Variants in TBC1D26 observed in about 807,000 individuals in gnomAD.
The protein encoded by TBC1D26 is TBC1 domain family member 26, also known as TBC1 domain family, member 26.
Under a neutral mutation model 42.5 loss-of-function variants are expected in TBC1D26, and 19 were observed. That is an observed-to-expected ratio of 0.45 (90% confidence interval 0.31 to 0.66). The LOEUF (loss-of-function observed/expected upper bound fraction) is 0.66. Ranked by LOEUF, TBC1D26 falls within the 30% of genes least tolerant of loss-of-function variation. The pLI is 0.06. For synonymous variants in TBC1D26, 97 were observed against 123.5 expected (o/e 0.79, Z 1.42); for missense variants, 228 against 332.6 (o/e 0.69, Z 2.45).
rs772725301 is a variant in TBC1D26, at chr17:15,741,220, T to C, written c.645T>C (p.Ala215=). 1.2e-6 allele frequency: 2 copies of C among 1,613,664 alleles called. No individual in the cohort carries two copies. The highest frequency in any genetic ancestry group is 2.2e-5 in the South Asian group (2 of 91,078). Residue 215 remains alanine (A), a splice_region_variant and synonymous_variant, in exon 10 of 15, where the codon GCT becomes GCC. Coordinates refer to ENST00000437605, the MANE Select transcript of TBC1D26 (RefSeq NM_001388465.1). ...DAFWALTQLL[A]VFYSPNTAWL... ...TCTGGGCGCTTACCCAGTTGCTCGC[T>C]GGTGAGAGGCACTCCCTGTGGGTAG... is the stretch of plus-strand genomic sequence containing the variant.
rs1203098129 is a variant in TBC1D26, at chr17:15,743,354, G to A, written c.908-13G>A. ...AGGGAACCCTCCTGGCCTGATGCCCGCCCTCTCCCTAGAGCACCTCATGAA... is the reference window on the plus strand; with the variant it reads ...AGGGAACCCTCCTGGCCTGATGCCCACCCTCTCCCTAGAGCACCTCATGAA... On this transcript the variant is annotated splice_polypyrimidine_tract_variant and intron_variant, in intron 13 of 14. Transcript: ENST00000437605. 36 of 985,834 alleles carry A rather than the reference G, an allele frequency of 3.7e-5. No individual in the cohort carries two copies. The highest frequency in any genetic ancestry group is 3.4e-4 in the East Asian group (3 of 8,800). 61.1% of individuals were successfully genotyped at this position (985,834 alleles called of 1,614,324 possible).
At chr17:15,741,099 C>T in intron 9 of TBC1D26, 23 bp from the exon 10 acceptor site, 1 of 1,605,964 alleles carries the variant, frequency 6.2e-7, no homozygotes, top group Non-Finnish European at 8.5e-7. Context: ...GACATCTTTC[C>T]ACGGTGACTC....
At chr17:15,742,297 G>A (rs1967810137) in intron 11 of TBC1D26, 117 bp from the exon 12 acceptor site, 2 of 514,842 alleles carry the variant, frequency 3.9e-6, no homozygotes, top group Admixed American at 3.3e-5. Context: ...GGCAGGTGTT[G>A]GAGCCCTGGC....
intron 5 of TBC1D26, 78 bp downstream of exon 5, chr17:15,737,601 C>T (rs371020702): frequency 1.8e-5 from 28 of 1,558,012 alleles, no homozygotes; most frequent in Non-Finnish European, 2.4e-5. Flanking sequence ...GAGGGGGTGG[C>T]CTGTGGGCCT....
At position 15,740,244 on chromosome 17, in the gene TBC1D26, T is replaced by C. The variant is rs2529969; in HGVS notation, c.546+96T>C. The C allele has an allele frequency of 9.5e-4, 1,534 of 1,613,304 alleles. 4 individuals carry two copies. Among genetic ancestry groups the C allele is most frequent in the East Asian group, 3.4e-3 (152 of 44,844 alleles). On this transcript the variant is annotated intron_variant, in intron 9 of 14. Transcript: ENST00000437605. The stretch of plus-strand genomic sequence containing the variant: ...GTGTTGCAACTTCTTGAAAATTCAG[T>C]GTTTGTCCACCAGGACGTAGTAGGC...
chr17:15,737,721 C>T, intron 5 of TBC1D26, 198 bp downstream of exon 5: 2 of 917,944 alleles, frequency 2.2e-6, no homozygotes, highest in South Asian at 1.7e-5. Flanking sequence ...GCAGTCCTGG[C>T]TCAGAGTCCA....
intron 8 of TBC1D26, 98 bp downstream of exon 8, chr17:15,738,928 G>A: frequency 3.2e-6 from 5 of 1,539,668 alleles, no homozygotes; most frequent in Non-Finnish European, 4.4e-6. Flanking sequence ...CCCAGGAGAG[G>A]TGACAGAGCC....
At chr17:15,734,306 G>A (rs1008376029) in intron 1 of TBC1D26, among the ~76,000 whole-genome samples, 10 of 152,130 alleles carry the variant, frequency 6.6e-5, no homozygotes, top group African/African-American at 2.4e-4. Context: ...GGGTGGGGTG[G>A]AGGGTGAAAT....
chr17:15,741,326 G>A, intron 10 of TBC1D26, 105 bp downstream of exon 10: 5 of 1,580,182 alleles, frequency 3.2e-6, no homozygotes, highest in Non-Finnish European at 4.3e-6. Context: ...TCCAGGCAAG[G>A]TGCCTGCCTT....
chr17:15,741,284 G>A (rs769812233), intron 10 of TBC1D26, 63 bp downstream of exon 10: 1 of 1,608,416 alleles, frequency 6.2e-7, no homozygotes, highest in South Asian at 1.1e-5. Context: ...AGCCATGCCA[G>A]GGGACAGCCA....
chr17:15,740,142 T>A lies in TBC1D26; in HGVS notation c.540T>A (p.Tyr180Ter). 2 of 1,614,206 alleles carry A rather than the reference T, an allele frequency of 1.2e-6. No individual in the cohort carries two copies. Among genetic ancestry groups the A allele is most frequent in the South Asian group, 2.2e-5 (2 of 91,078 alleles). ...ACATCCTCGTGGCCTATTCTGCATA[T>A]AACCCTGTGAGTATTCCCGGGCAGC... ...LCDILVAYSA[Y>*]NPEVGYHRDL... Residue 180 changes from tyrosine (Y) to a stop codon, truncating the protein, a stop_gained, in exon 9 of 15, where the codon TAT (tyrosine) becomes TAA (stop). Coordinates refer to ENST00000437605, the MANE Select transcript of TBC1D26 (RefSeq NM_001388465.1). LOFTEE classifies it high-confidence loss of function.
Position 15,741,230 on chromosome 17 carries a change from C to T in TBC1D26, c.646+9C>T. ...TACCCAGTTGCTCGCTGGTGAGAGGCACTCCCTGTGGGTAGGTGGACAGCT... is the reference window on the plus strand; with the variant it reads ...TACCCAGTTGCTCGCTGGTGAGAGGTACTCCCTGTGGGTAGGTGGACAGCT... On this transcript the variant is annotated intron_variant, in intron 10 of 14. Coordinates refer to ENST00000437605, the MANE Select transcript of TBC1D26 (RefSeq NM_001388465.1). 6.2e-7 allele frequency: 1 copy of T among 1,613,522 alleles called. No individual in the cohort carries two copies. Among genetic ancestry groups the T allele is most frequent in the Non-Finnish European group, 8.5e-7 (1 of 1,179,912 alleles).
intron 9 of TBC1D26, 161 bp downstream of exon 9, chr17:15,740,309 C>A: frequency 6.3e-7 from 1 of 1,584,370 alleles, no homozygotes. Context: ...GGCTGAAGCC[C>A]AGACTCCTGG....
intron 8 of TBC1D26, among the ~76,000 whole-genome samples, chr17:15,739,748 G>A (rs1481666161): frequency 6.6e-6 from 1 of 152,408 alleles, no homozygotes; most frequent in Non-Finnish European, 1.5e-5. Context: ...CGCTCTGGGA[G>A]GGGCTGCAGT....
intron 14 of TBC1D26, among the ~76,000 whole-genome samples, chr17:15,743,996 G>A (rs956223960): frequency 6.6e-6 from 1 of 151,868 alleles, no homozygotes; most frequent in Admixed American, 6.6e-5. Context: ...TGCCACAGAG[G>A]CATCTAAAAA....
Position 15,741,958 on chromosome 17 carries a change from T to C in TBC1D26, c.663T>C (p.Asn221=). The change falls in exon 11 of 15, where the codon AAT becomes AAC. Residue 221 remains asparagine (N), a synonymous_variant. Coordinates refer to ENST00000437605, the MANE Select transcript of TBC1D26 (RefSeq NM_001388465.1). Reference sequence around the variant, plus strand: ...GCTTCTCAGTATTCTACAGCCCAAATACTGCCTGGCTCGAGAGGCTCCTAT... The same window carrying C: ...GCTTCTCAGTATTCTACAGCCCAAACACTGCCTGGCTCGAGAGGCTCCTAT... The part of the protein sequence containing the change: ...TQLLAVFYSP[N]TAWLERLLSH... 6.2e-7 allele frequency: 1 copy of C among 1,614,082 alleles called. No homozygotes were observed. Among genetic ancestry groups the C allele is most frequent in the Non-Finnish European group, 8.5e-7 (1 of 1,179,998 alleles).
At chr17:15,733,752 G>A (rs9906205) in intron 1 of TBC1D26, 57,090 of 152,082 alleles carry the variant, frequency 0.38, 10,806 homozygotes, top group Middle Eastern at 0.43. Context: ...CTTGACCTGG[G>A]CAATGGCCCA....
At chr17:15,740,495 C>A (rs1388605489) in intron 9 of TBC1D26, 1 of 1,255,532 alleles carries the variant, frequency 8.0e-7, no homozygotes, top group Admixed American at 3.7e-5. Flanking sequence ...AATGAGTTTG[C>A]ATCCTGGGGG....
In TBC1D26 at chr17:15,737,503, G is replaced by A. The variant is rs543911529; in HGVS notation, c.178G>A (p.Val60Ile). Residue 60 changes from valine (V) to isoleucine (I), a missense_variant, in exon 5 of 15, where the codon GTC (valine) becomes ATC (isoleucine). By Grantham distance (29) the Val-to-Ile change is conservative (BLOSUM62 3). Coordinates refer to ENST00000437605, the MANE Select transcript of TBC1D26 (RefSeq NM_001388465.1). Reference protein sequence around the residue: ...GIVHEMELPHVSALEVKQRRK... With the variant: ...GIVHEMELPHISALEVKQRRK... ...TTACAGTGAGATGGAGCTGCCCCACGTCAGTGCCCTGGAGGTGAAGGTAAG... is the reference window on the plus strand; with the variant it reads ...TTACAGTGAGATGGAGCTGCCCCACATCAGTGCCCTGGAGGTGAAGGTAAG... 1.0e-4 allele frequency: 132 copies of A among 1,311,528 alleles called. 2 individuals are homozygous for A. Among genetic ancestry groups the A allele is most frequent in the African/African-American group, 6.0e-4 (40 of 66,888 alleles). The allele number at this position is 1,311,528 out of a possible 1,614,324, so 81.2% of individuals were successfully genotyped here. A position where few individuals can be genotyped will look rare whatever the true frequency, so the allele number is the denominator to read the frequency against.
Sources: allele counts gnomAD v4.1 joint callset (sites outside exome capture counted in the v4.1 genomes callset), GRCh38; gene constraint gnomAD v4.1.1; transcripts MANE v1.5; gene names NCBI Gene and HGNC (gene_info 2026-07-23, HGNC 2026-07-21).